Variants in MCU observed in about 807,000 individuals in gnomAD.
The protein encoded by MCU is mitochondrial calcium uniporter.
In MCU, 12 loss-of-function variants were observed where a neutral mutation model predicts 45.2. The observed-to-expected ratio is 0.27, with a 90% CI of 0.17 to 0.43. The LOEUF is 0.43. Among genes scored for constraint, MCU ranks in the 20% least tolerant of loss-of-function variants. MCU has a pLI of 1.00. For missense variants in MCU, 324 were observed against 436.7 expected (o/e 0.74, Z 2.30); for synonymous variants, 160 against 165.1 (o/e 0.97, Z 0.24).
chr10:72,836,312 GGTCAA>G (rs1844955573), intron 2 of MCU, among the ~76,000 whole-genome samples: 1 of 152,004 alleles, frequency 6.6e-6, no homozygotes, highest in Non-Finnish European at 1.5e-5. Context: ...ACAGCTGGAA[GGTCAA>G]GTCCCATTGG....
chr10:72,760,830 G>C lies in MCU; in HGVS notation c.150+68529G>C, dbSNP rs184533601. 5.9e-5 allele frequency among the ~76,000 whole-genome samples: 9 copies of C among 151,302 alleles called. No homozygotes were observed. The East Asian group carries it at 1.5e-3, about 26-fold the overall frequency. ...GCCTCTCAAAGTGCTGCGATTACAG[G>C]CATGAGCCACTGTGCCAGGCCCATA... On this transcript the variant is annotated intron_variant, in intron 1 of 7. Transcript: ENST00000373053.
intron 2 of MCU, among the ~76,000 whole-genome samples, chr10:72,845,309 T>C (rs1253253906): frequency 6.6e-6 from 1 of 152,124 alleles, no homozygotes; most frequent in South Asian, 2.1e-4. Flanking sequence ...GAAATAAAAA[T>C]TTACATCAGA....
At chr10:72,779,274 G>C (rs948539590) in intron 1 of MCU, among the ~76,000 whole-genome samples, 6 of 152,090 alleles carry the variant, frequency 3.9e-5, no homozygotes, top group Non-Finnish European at 8.8e-5. Flanking sequence ...GGCCTCAGAA[G>C]TATATTTTCA....
chr10:72,872,656 A>G (rs1845561333), intron 6 of MCU, among the ~76,000 whole-genome samples: 1 of 152,186 alleles, frequency 6.6e-6, no homozygotes, highest in Non-Finnish European at 1.5e-5. Flanking sequence ...TTCTTTATCC[A>G]TTCATCCCTG....
intron 5 of MCU, among the ~76,000 whole-genome samples, chr10:72,869,599 CAAA>C (rs1222686475): frequency 6.6e-6 from 1 of 151,514 alleles, no homozygotes; most frequent in Admixed American, 6.6e-5. Context: ...AACAAACAAA[CAAA>C]AAAACAACAA....
chr10:72,706,644 TCTC>T (rs1842824375), intron 1 of MCU, among the ~76,000 whole-genome samples: 1 of 151,844 alleles, frequency 6.6e-6, no homozygotes, highest in Non-Finnish European at 1.5e-5. Context: ...TTCAAGCGAT[TCTC>T]CTCCTCAGCC....
At chr10:72,788,431 C>T (rs77107663) in intron 1 of MCU, among the ~76,000 whole-genome samples, 1 of 152,178 alleles carries the variant, frequency 6.6e-6, no homozygotes, top group Non-Finnish European at 1.5e-5. Flanking sequence ...TGAAGGCCAA[C>T]CTGGGCTATA....
intron 1 of MCU, among the ~76,000 whole-genome samples, chr10:72,739,647 C>G (rs1843298552): frequency 6.6e-6 from 1 of 152,022 alleles, no homozygotes; most frequent in African/African-American, 2.4e-5. Flanking sequence ...CAGCCTCTTT[C>G]CTCTAAAAGT....
intron 1 of MCU, among the ~76,000 whole-genome samples, chr10:72,768,179 A>G (rs186697340): frequency 1.6e-4 from 24 of 152,282 alleles, no homozygotes; most frequent in Admixed American, 5.2e-4. Context: ...TTTTGCATAA[A>G]ATAAAATTGT....
At position 72,738,717 on chromosome 10, in the gene MCU, G is replaced by A. The variant is rs543699189; in HGVS notation, c.150+46416G>A. ...CTGTGTTGCCTGTTGCCTGGACAAT[G>A]AAGCTTGAAATCTGTGAACTTTGGT... On this transcript the variant is annotated intron_variant, in intron 1 of 7. Transcript: ENST00000373053. Among the ~76,000 whole-genome samples the A allele has an allele frequency of 6.6e-5, 10 of 152,330 alleles. No individual in the cohort carries two copies. In the South Asian group the frequency reaches 2.1e-3, roughly 32 times the overall value.
intron 1 of MCU, among the ~76,000 whole-genome samples, chr10:72,767,564 T>C (rs1480156780): frequency 6.6e-6 from 1 of 152,138 alleles, no homozygotes. Context: ...CTTGGGTTGG[T>C]CTTGAACCCC....
chr10:72,851,308 AC>A (rs1157392109), intron 2 of MCU, among the ~76,000 whole-genome samples: 1 of 152,174 alleles, frequency 6.6e-6, no homozygotes, highest in African/African-American at 2.4e-5. Context: ...TACCTGTGAA[AC>A]TGATGTTTTA....
chr10:72,728,515 T>A (rs1431617824), intron 1 of MCU, among the ~76,000 whole-genome samples: 1 of 152,202 alleles, frequency 6.6e-6, no homozygotes, highest in Admixed American at 6.5e-5. Context: ...GAGAAATCCA[T>A]GTAAAGATAC....
intron 2 of MCU, among the ~76,000 whole-genome samples, chr10:72,858,576 C>T (rs1265079387): frequency 1.3e-5 from 2 of 152,094 alleles, no homozygotes; most frequent in Non-Finnish European, 2.9e-5. Flanking sequence ...GTCTGACCTC[C>T]CATCCTGTCA....
chr10:72,809,117 A>G (rs1030363261), intron 1 of MCU, among the ~76,000 whole-genome samples: 2 of 152,256 alleles, frequency 1.3e-5, no homozygotes, highest in Non-Finnish European at 2.9e-5. Flanking sequence ...TTAGAAGGAC[A>G]AAAGATTGGA....
At chr10:72,815,869 T>A (rs2132809147) in intron 1 of MCU, among the ~76,000 whole-genome samples, 1 of 152,310 alleles carries the variant, frequency 6.6e-6, no homozygotes, top group African/African-American at 2.4e-5. Flanking sequence ...GAATAGATTA[T>A]CACTTTATAA....
intron 1 of MCU, among the ~76,000 whole-genome samples, chr10:72,780,511 AGTGTGTGTGTGTGTGTGTGT>A (rs60306247): frequency 9.0e-6 from 1 of 110,580 alleles, no homozygotes; most frequent in Non-Finnish European, 1.8e-5. Flanking sequence ...TCTTTGGCTA[AGTGTGTGTGTGTGTGTGTGT>A]GTGTGTGTGT....
chr10:72,839,064 A>G (rs1311847558), intron 2 of MCU, among the ~76,000 whole-genome samples: 4 of 151,028 alleles, frequency 2.6e-5, no homozygotes, highest in Admixed American at 1.3e-4. Flanking sequence ...GTCTTGGCTC[A>G]CTGCAACCTC....
intron 1 of MCU, among the ~76,000 whole-genome samples, chr10:72,730,307 CTTTT>C (rs1221272053): frequency 8.1e-6 from 1 of 124,220 alleles, no homozygotes; most frequent in Admixed American, 8.3e-5. Flanking sequence ...CTTTCTTTTT[CTTTT>C]TTTTTTTTTT....
Sources: gnomAD v4.1 joint callset for allele counts (sites outside exome capture counted in the v4.1 genomes callset) on GRCh38, gnomAD v4.1.1 for gene constraint, MANE v1.5 for transcripts, NCBI Gene and HGNC (gene_info 2026-07-23, HGNC 2026-07-21) for gene names.